The following PHACTR3 variants were observed in gnomAD, a reference collection of about 807,000 sequenced individuals.
PHACTR3 encodes the protein protein phosphatase 1, regulatory subunit 123.
Under a neutral mutation model 66.8 loss-of-function variants are expected in PHACTR3, and 16 were observed. The ratio of observed to expected loss-of-function variants is 0.24; its 90% CI spans 0.16 to 0.36. PHACTR3 has a LOEUF of 0.36. Among genes scored for constraint, PHACTR3 ranks in the 10% least tolerant of loss-of-function variants. PHACTR3 has a pLI of 1.00. For missense variants in PHACTR3, 647 were observed against 719.9 expected (o/e 0.90, Z 1.16); for synonymous variants, 323 against 292.1 (o/e 1.11, Z -1.08).
At position 59,713,450 on chromosome 20, in the gene PHACTR3, T is replaced by C. The variant is rs761374932; in HGVS notation, c.119-29657T>C. Among the ~76,000 whole-genome samples, 18 of 152,312 alleles carry C rather than the reference T, an allele frequency of 1.2e-4. No individual in the cohort carries two copies. The South Asian group carries it at 2.9e-3, about 25-fold the overall frequency. The stretch of plus-strand genomic sequence containing the variant: ...GGTATTCCCAGAGAGAACCACTGTC[T>C]TAATTTACATCGTCTTGATTAGTTT... On this transcript the variant is annotated intron_variant, in intron 1 of 12. Coordinates refer to ENST00000371015, the MANE Select transcript of PHACTR3 (RefSeq NM_080672.5).
chr20:59,639,094 TGGATG>T (rs1291522516), intron 1 of PHACTR3, among the ~76,000 whole-genome samples: 2 of 147,594 alleles, frequency 1.4e-5, no homozygotes, highest in African/African-American at 5.1e-5. Context: ...GATGGATGGA[TGGATG>T]GGTAGACGGA....
At chr20:59,811,277 T>A (rs2147017105) in intron 8 of PHACTR3, among the ~76,000 whole-genome samples, 1 of 152,324 alleles carries the variant, frequency 6.6e-6, no homozygotes. Context: ...TTTTCTTATA[T>A]TGGTTTGGCT....
upstream of PHACTR3, among the ~76,000 whole-genome samples, chr20:59,604,393 C>G (rs945594940): frequency 1.3e-5 from 2 of 152,140 alleles, no homozygotes; most frequent in Non-Finnish European, 2.9e-5. Context: ...CCTCCTCCCC[C>G]ACCCCGGCGC....
chr20:59,715,166 A>C (rs2038050563), intron 1 of PHACTR3, among the ~76,000 whole-genome samples: 1 of 152,120 alleles, frequency 6.6e-6, no homozygotes, highest in African/African-American at 2.4e-5. Flanking sequence ...TAAAACCTCT[A>C]ATACAATTTT....
chr20:59,841,298 TTTG>T, intron 10 of PHACTR3, 94 bp from the exon 11 acceptor site: 1 of 1,297,584 alleles, frequency 7.7e-7, no homozygotes, highest in Admixed American at 2.5e-5. Context: ...TTTTTTTTGT[TTTG>T]TTTTGTTTTT....
At chr20:59,622,114 G>C (rs2034263424) in intron 1 of PHACTR3, among the ~76,000 whole-genome samples, 1 of 151,878 alleles carries the variant, frequency 6.6e-6, no homozygotes, top group African/African-American at 2.4e-5. Flanking sequence ...GTGTTTGTGT[G>C]TGCAGGTGTG....
At chr20:59,724,441 G>C (rs538732843) in intron 1 of PHACTR3, among the ~76,000 whole-genome samples, 1 of 152,256 alleles carries the variant, frequency 6.6e-6, no homozygotes, top group Admixed American at 6.5e-5. Context: ...CATCTGAATG[G>C]GGAGGAATAG....
At chr20:59,631,759 A>G (rs1170613134) in intron 1 of PHACTR3, among the ~76,000 whole-genome samples, 1 of 152,164 alleles carries the variant, frequency 6.6e-6, no homozygotes, top group Non-Finnish European at 1.5e-5. Flanking sequence ...CCAGCCCCCA[A>G]AACACCTCAC....
intron 1 of PHACTR3, among the ~76,000 whole-genome samples, chr20:59,617,787 C>T (rs899599998): frequency 6.6e-6 from 1 of 152,064 alleles, no homozygotes; most frequent in Non-Finnish European, 1.5e-5. Context: ...CCCTTCGTCC[C>T]TCCTTCCATC....
At chr20:59,648,849 A>G (rs1263568128) in intron 1 of PHACTR3, among the ~76,000 whole-genome samples, 1 of 152,230 alleles carries the variant, frequency 6.6e-6, no homozygotes, top group Non-Finnish European at 1.5e-5. Context: ...GAGTAGCCAC[A>G]GGCAGCCTGT....
chr20:59,739,947 A>G (rs1370840420), intron 1 of PHACTR3, among the ~76,000 whole-genome samples: 1 of 152,134 alleles, frequency 6.6e-6, no homozygotes, highest in African/African-American at 2.4e-5. Flanking sequence ...TCTGAGACCA[A>G]CAAAAAAATG....
At chr20:59,671,028 C>G (rs1199543709) in intron 1 of PHACTR3, among the ~76,000 whole-genome samples, 1 of 152,232 alleles carries the variant, frequency 6.6e-6, no homozygotes, top group East Asian at 1.9e-4. Context: ...TGCCCCACCC[C>G]CTCCACAGCT....
chr20:59,717,638 A>T (rs2038140530), intron 1 of PHACTR3, among the ~76,000 whole-genome samples: 1 of 151,770 alleles, frequency 6.6e-6, no homozygotes, highest in Admixed American at 6.5e-5. Flanking sequence ...CCCACCCCCC[A>T]GCCCGTGTTC....
At chr20:59,582,588 T>C (rs2032894370) in intron 1 of PHACTR3, among the ~76,000 whole-genome samples, 1 of 152,216 alleles carries the variant, frequency 6.6e-6, no homozygotes, top group Non-Finnish European at 1.5e-5. Flanking sequence ...CGCCAGCACT[T>C]GATACATTCA....
intron 1 of PHACTR3, among the ~76,000 whole-genome samples, chr20:59,662,632 G>A (rs2146480815): frequency 6.6e-6 from 1 of 152,264 alleles, no homozygotes; most frequent in South Asian, 2.1e-4. Context: ...AGTTGGAGCT[G>A]TTAAGTAGGG....
intron 1 of PHACTR3, among the ~76,000 whole-genome samples, chr20:59,732,426 C>T (rs1199801654): frequency 6.6e-6 from 1 of 152,134 alleles, no homozygotes; most frequent in East Asian, 1.9e-4. Flanking sequence ...TGGTGGCCTC[C>T]CTTTGGGCAT....
rs1568940612 is a variant in PHACTR3, at chr20:59,622,996, A to AAAAAAAAAAAAAAAAAAAAAAAAAAAAC, written c.118+17869_118+17870insAAAAAAAAAAAAAAAAAAAAAACAAAAA. On this transcript the variant is annotated intron_variant, in intron 1 of 12. Coordinates refer to ENST00000371015, the MANE Select transcript of PHACTR3 (RefSeq NM_080672.5). Reference sequence around the variant, plus strand: ...CAGCTTTAACCAAAAAAAAAAAAAAAAAAAACCCAAATCTTCAGCAAACAC... The same window carrying AAAAAAAAAAAAAAAAAAAAAAAAAAAAC: ...CAGCTTTAACCAAAAAAAAAAAAAAAAAAAAAAAAAAAAAAAAAAAAAAAAAACAAAAACCCAAATCTTCAGCAAACAC... Among the ~76,000 whole-genome samples the AAAAAAAAAAAAAAAAAAAAAAAAAAAAC allele has an allele frequency of 1.8e-4, 27 of 146,532 alleles. 2 individuals are homozygous for AAAAAAAAAAAAAAAAAAAAAAAAAAAAC. The highest frequency in any genetic ancestry group is 5.9e-4 in the African/African-American group (23 of 39,212).
At chr20:59,664,135 T>G (rs1482040613) in intron 1 of PHACTR3, among the ~76,000 whole-genome samples, 1 of 152,148 alleles carries the variant, frequency 6.6e-6, no homozygotes, top group African/African-American at 2.4e-5. Context: ...AAAGTGGTGG[T>G]AGATGGATAA....
intron 7 of PHACTR3, among the ~76,000 whole-genome samples, chr20:59,782,884 T>C (rs6100584): frequency 0.04 from 6,101 of 152,268 alleles, 259 homozygotes; most frequent in East Asian, 0.18. Flanking sequence ...TTTGATGACA[T>C]GGAGAACGTT....
Sources: gnomAD v4.1 joint callset for allele counts (sites outside exome capture counted in the v4.1 genomes callset) on GRCh38, gnomAD v4.1.1 for gene constraint, MANE v1.5 for transcripts, NCBI Gene and HGNC (gene_info 2026-07-23, HGNC 2026-07-21) for gene names.